UBXN2B: variants seen among roughly 807,000 people sequenced by gnomAD.
UBXN2B encodes UBX domain-containing protein 2B.
In UBXN2B, 19 loss-of-function variants were observed where a neutral mutation model predicts 37.5. That is an observed-to-expected ratio of 0.51 (90% CI 0.35 to 0.74). UBXN2B has a LOEUF of 0.74. Ranked by LOEUF, UBXN2B falls within the 30% of genes least tolerant of loss-of-function variation. UBXN2B has a pLI of 0.01. For missense variants in UBXN2B, 370 were observed against 393.2 expected, an observed-to-expected ratio of 0.94 and a Z score of 0.50; for synonymous variants, 145 against 143.8, an observed-to-expected ratio of 1.01 and a Z score of -0.06.
Position 58,422,305 on chromosome 8 carries a change from G to C in UBXN2B, c.188+5352G>C, listed in dbSNP as rs190606755. Among the ~76,000 whole-genome samples, 148 of 152,288 alleles carry C rather than the reference G, an allele frequency of 9.7e-4. 1 individual carries two copies. Among genetic ancestry groups the C allele is most frequent in the African/African-American group, 3.1e-3 (130 of 41,552 alleles). On this transcript the variant is annotated intron_variant, in intron 2 of 7. Coordinates refer to ENST00000399598, the MANE Select transcript of UBXN2B (RefSeq NM_001077619.2). ...TGAGAATGGCAGCCAAACTAACTCAGGGTCTTAAGAGACTGAGAGACCTCA... is the reference window on the plus strand; with the variant it reads ...TGAGAATGGCAGCCAAACTAACTCACGGTCTTAAGAGACTGAGAGACCTCA...
intron 1 of UBXN2B, among the ~76,000 whole-genome samples, chr8:58,415,927 A>C (rs1346680484): frequency 6.6e-6 from 1 of 152,070 alleles, no homozygotes; most frequent in African/African-American, 2.4e-5. Context: ...TTTTCAAAGA[A>C]TTAACATTGC....
chr8:58,425,725 C>G, intron 2 of UBXN2B: 1 of 1,171,504 alleles, frequency 8.5e-7, no homozygotes, highest in Non-Finnish European at 1.3e-6. Flanking sequence ...TGTTAAGGGG[C>G]TACGTGAGTT....
chr8:58,431,382 T>C (rs1038281927), intron 3 of UBXN2B, among the ~76,000 whole-genome samples: 1 of 152,234 alleles, frequency 6.6e-6, no homozygotes. Context: ...TTCAGATCTG[T>C]CAGAGTTATT....
chr8:58,417,842 GA>G, intron 2 of UBXN2B, among the ~76,000 whole-genome samples: 1 of 152,188 alleles, frequency 6.6e-6, no homozygotes, highest in South Asian at 2.1e-4. Flanking sequence ...TCAACTATTT[GA>G]AAGGAAATTG....
chr8:58,434,343 A>C, intron 4 of UBXN2B, 52 bp from the exon 5 acceptor site: 1 of 536,502 alleles, frequency 1.9e-6, no homozygotes, highest in Non-Finnish European at 2.6e-6. Context: ...TCTTATGTAT[A>C]TGTGAATATA....
chr8:58,418,734 G>A (rs546333488), intron 2 of UBXN2B, among the ~76,000 whole-genome samples: 1 of 152,268 alleles, frequency 6.6e-6, no homozygotes, highest in East Asian at 1.9e-4. Context: ...TTGGTATCTT[G>A]ACACTAGTTG....
chr8:58,433,380 G>A (rs1362150229), intron 4 of UBXN2B, 137 bp downstream of exon 4: 2 of 627,274 alleles, frequency 3.2e-6, no homozygotes, highest in South Asian at 2.3e-5. Context: ...GACCAATGAT[G>A]TGTGAGTTTT....
chr8:58,425,131 A>G, intron 2 of UBXN2B: 2 of 820,040 alleles, frequency 2.4e-6, no homozygotes, highest in Non-Finnish European at 4.4e-6. Context: ...TTGCCAGACC[A>G]TTCTCTCCAT....
intron 5 of UBXN2B, among the ~76,000 whole-genome samples, chr8:58,436,239 A>C (rs1381665467): frequency 6.6e-6 from 1 of 152,226 alleles, no homozygotes; most frequent in East Asian, 1.9e-4. Context: ...CAAACAAAAC[A>C]AAGTACAATC....
intron 5 of UBXN2B, among the ~76,000 whole-genome samples, chr8:58,435,345 G>T (rs1433634381): frequency 2.0e-5 from 3 of 152,280 alleles, no homozygotes; most frequent in Middle Eastern, 3.4e-3. Context: ...AGACTAATTA[G>T]CATGAATTTT....
chr8:58,447,296 TAA>T, intron 7 of UBXN2B, 91 bp from the exon 8 acceptor site: 1 of 1,213,660 alleles, frequency 8.2e-7, no homozygotes, highest in Non-Finnish European at 1.1e-6. Flanking sequence ...ATATAAAGAT[TAA>T]AATTTTGTGA....
intron 5 of UBXN2B, among the ~76,000 whole-genome samples, chr8:58,437,640 T>G (rs1808448140): frequency 6.6e-6 from 1 of 152,158 alleles, no homozygotes; most frequent in Non-Finnish European, 1.5e-5. Flanking sequence ...AAGAAATTTC[T>G]AAGCAGCAGA....
In UBXN2B at chr8:58,416,569, T is replaced by G. The variant is rs573070767; in HGVS notation, c.85-281T>G. Reference sequence around the variant, plus strand: ...TTTTAGGTTTAAATTTGAAAATGGTTTGTTACCTAAAACAGATTTTGACAC... The same window carrying G: ...TTTTAGGTTTAAATTTGAAAATGGTGTGTTACCTAAAACAGATTTTGACAC... On this transcript the variant is annotated intron_variant, in intron 1 of 7. Coordinates refer to ENST00000399598, the MANE Select transcript of UBXN2B (RefSeq NM_001077619.2). 2.0e-3 allele frequency among the ~76,000 whole-genome samples: 305 copies of G among 152,270 alleles called. 2 individuals are homozygous for G. The highest frequency in any genetic ancestry group is 6.9e-3 in the African/African-American group (287 of 41,568).
chr8:58,436,375 A>G (rs2129604389), intron 5 of UBXN2B, among the ~76,000 whole-genome samples: 1 of 152,370 alleles, frequency 6.6e-6, no homozygotes, highest in Non-Finnish European at 1.5e-5. Flanking sequence ...AGGATCAGAC[A>G]GTATTATCCA....
chr8:58,441,185 T>C (rs934789763), intron 6 of UBXN2B, among the ~76,000 whole-genome samples: 14 of 151,432 alleles, frequency 9.2e-5, no homozygotes, highest in African/African-American at 3.2e-4. Flanking sequence ...TAGAGACACG[T>C]GTCTTACTAT....
At chr8:58,425,373 G>A (rs1236271192) in intron 2 of UBXN2B, 23 of 1,132,094 alleles carry the variant, frequency 2.0e-5, no homozygotes, top group Non-Finnish European at 2.4e-5. Flanking sequence ...TGTTTTGCAG[G>A]CAGCCTTGTG....
intron 2 of UBXN2B, chr8:58,425,192 G>A (rs1808047936): frequency 1.1e-6 from 1 of 920,898 alleles, no homozygotes; most frequent in Non-Finnish European, 1.8e-6. Flanking sequence ...ATATAGTTGT[G>A]AGCGGTGCTT....
At chr8:58,413,207 A>T (rs1408559554) in intron 1 of UBXN2B, 1 of 151,924 alleles carries the variant, frequency 6.6e-6, no homozygotes, top group Non-Finnish European at 1.5e-5. Flanking sequence ...TACTTGTTGT[A>T]GGTTAGGGCA....
chr8:58,427,856 G>C (rs901733350), intron 2 of UBXN2B, among the ~76,000 whole-genome samples: 17 of 152,170 alleles, frequency 1.1e-4, no homozygotes, highest in Admixed American at 6.5e-4. Context: ...CTTAAATAGA[G>C]GGGAATTGAA....
Sources: allele counts gnomAD v4.1 joint callset (sites outside exome capture counted in the v4.1 genomes callset), GRCh38; gene constraint gnomAD v4.1.1; transcripts MANE v1.5; gene names NCBI Gene and HGNC (gene_info 2026-07-23, HGNC 2026-07-21).